Variants in TNNI2 observed in about 807,000 individuals in gnomAD.
TNNI2 encodes the protein troponin I, fast skeletal muscle.
Under a neutral mutation model 26.5 loss-of-function variants are expected in TNNI2, and 14 were observed. The ratio of observed to expected loss-of-function variants is 0.53; its 90% confidence interval spans 0.35 to 0.83. TNNI2 has a LOEUF of 0.83. Among genes scored for constraint, TNNI2 ranks in the 40% least tolerant of loss-of-function variants. The pLI, the probability that TNNI2 is intolerant of heterozygous loss-of-function variation, is 0.01. For synonymous variants in TNNI2, 126 were observed against 97.6 expected (o/e 1.29, Z -1.71); for missense variants, 205 against 248.5 (o/e 0.82, Z 1.18).
chr11:1,841,260 C>T (rs1263643130), intron 7 of TNNI2, 53 bp downstream of exon 7: 2 of 1,593,162 alleles, frequency 1.3e-6, no homozygotes, highest in Non-Finnish European at 1.7e-6. Context: ...GGAAGCACCT[C>T]CCACACCTGC....
Position 1,840,619 on chromosome 11 carries a change from C to G in TNNI2, c.149C>G (p.Pro50Arg), listed in dbSNP as rs778403065. 2 of 1,612,752 alleles carry G rather than the reference C, an allele frequency of 1.2e-6. No homozygotes were observed. Among genetic ancestry groups the G allele is most frequent in the Admixed American group, 1.7e-5 (1 of 60,014 alleles). ...EKQNYLAEHC[P>R]PLHIPGSMSE... ...CAGAACTACCTGGCGGAGCACTGCC[C>G]GCCGCTGCATATCCCGGGCTCCATG... Residue 50 changes from proline (P) to arginine (R), a missense_variant, in exon 5 of 8, where the codon CCG (proline) becomes CGG (arginine). By Grantham distance (103) the Pro-to-Arg change is moderately radical. Transcript: ENST00000381911.
In TNNI2 at chr11:1,840,128, C is replaced by T. The variant is rs538015337; in HGVS notation, c.15+273C>T. On this transcript the variant is annotated intron_variant, in intron 3 of 7. Transcript: ENST00000381911. Reference sequence around the variant, plus strand: ...CCTGCACTTCCCGCCCCCACCTCACCGGCCGACCTGCCCCCAACTGGCCCT... The same window carrying T: ...CCTGCACTTCCCGCCCCCACCTCACTGGCCGACCTGCCCCCAACTGGCCCT... 4.2e-5 allele frequency: 59 copies of T among 1,402,970 alleles called. No individual in the cohort carries two copies. The East Asian group carries it at 8.2e-4, about 19-fold the overall frequency. 86.9% of individuals were successfully genotyped at this position (1,402,970 alleles called of 1,614,324 possible).
In TNNI2 at chr11:1,839,663, C is replaced by G; in HGVS notation, c.-22-12C>G. 6.2e-7 allele frequency: 1 copy of G among 1,613,538 alleles called. No individual in the cohort carries two copies. The highest frequency in any genetic ancestry group is 8.5e-7 in the Non-Finnish European group (1 of 1,179,882). The stretch of plus-strand genomic sequence containing the variant: ...GGGCCTGGCCAACACCTCTGTCTTC[C>G]TCTCCCCACAGGCTCCAAGCTCAGG... On this transcript the variant is annotated splice_polypyrimidine_tract_variant and intron_variant, in intron 1 of 7. Transcript: ENST00000381911.
intron 3 of TNNI2, chr11:1,840,127 C>G: frequency 7.3e-7 from 1 of 1,364,298 alleles, no homozygotes; most frequent in Non-Finnish European, 1.0e-6. Context: ...CCCCACCTCA[C>G]CGGCCGACCT....
At chr11:1,839,819 G>C in intron 2 of TNNI2, 30 bp from the exon 3 acceptor site, 1 of 1,613,722 alleles carries the variant, frequency 6.2e-7, no homozygotes, top group South Asian at 1.1e-5. Flanking sequence ...TTCTCTCCCC[G>C]TCCTGCCTGC....
In TNNI2 at chr11:1,840,428, G is replaced by T; in HGVS notation, c.41G>T (p.Arg14Leu). 5.6e-6 allele frequency: 9 copies of T among 1,610,494 alleles called. No individual in the cohort carries two copies. The highest frequency in any genetic ancestry group is 7.6e-6 in the Non-Finnish European group (9 of 1,179,484). The change falls in exon 4 of 8, where the codon CGC (arginine) becomes CTC (leucine). Residue 14 changes from arginine to leucine, a missense_variant. Physicochemically the swap from Arg to Leu is moderately radical, Grantham distance 102. Coordinates refer to ENST00000381911, the MANE Select transcript of TNNI2 (RefSeq NM_003282.4). ...EEKRNRAITA[R>L]RQHLKSVMLQ... Reference sequence around the variant, plus strand: ...AAGCGGAACAGGGCCATCACGGCCCGCAGGCAGCACCTGAAGGTAGGTGTG... The same window carrying T: ...AAGCGGAACAGGGCCATCACGGCCCTCAGGCAGCACCTGAAGGTAGGTGTG...
In TNNI2 at chr11:1,840,629, T is replaced by A. The variant is rs770213642; in HGVS notation, c.159T>A (p.His53Gln). The change falls in exon 5 of 8, where the codon CAT becomes CAA. Residue 53 changes from histidine (H) to glutamine (Q), a missense_variant. Transcript: ENST00000381911. ...TGGCGGAGCACTGCCCGCCGCTGCA[T>A]ATCCCGGGCTCCATGTCTGAAGTGC... is the stretch of plus-strand genomic sequence containing the variant. ...NYLAEHCPPL[H>Q]IPGSMSEVQE... 1 of 1,612,824 alleles carries A rather than the reference T, an allele frequency of 6.2e-7. No homozygotes were observed. The highest frequency in any genetic ancestry group is 8.5e-7 in the Non-Finnish European group (1 of 1,179,912).
chr11:1,839,522 A>AAGGAGGTGAGAGTAGGGGG, intron 1 of TNNI2, 153 bp from the exon 2 acceptor site: 18 of 633,060 alleles, frequency 2.8e-5, no homozygotes, highest in South Asian at 1.6e-4. Context: ...ATTGTCCTTG[A>AAGGAGGTGAGAGTAGGGGG]AGGAGGTGAG....
chr11:1,839,773 A>T, intron 2 of TNNI2, 69 bp downstream of exon 2: 1 of 1,610,852 alleles, frequency 6.2e-7, no homozygotes, highest in Non-Finnish European at 8.5e-7. Context: ...CCCATCACAC[A>T]CTCCGACCCC....
intron 2 of TNNI2, 40 bp downstream of exon 2, chr11:1,839,744 C>A: frequency 6.2e-7 from 1 of 1,613,724 alleles, no homozygotes; most frequent in Non-Finnish European, 8.5e-7. Flanking sequence ...TGACCCTGCC[C>A]ACCTCCTGCC....
In TNNI2 at chr11:1,840,427, C is replaced by T. The variant is rs780745718; in HGVS notation, c.40C>T (p.Arg14Cys). 4.3e-5 allele frequency: 70 copies of T among 1,610,544 alleles called. No individual in the cohort carries two copies. The highest frequency in any genetic ancestry group is 1.7e-4 in the South Asian group (15 of 90,896). ...EEKRNRAITA[R>C]RQHLKSVMLQ... is the part of the protein sequence containing the mutation. The stretch of plus-strand genomic sequence containing the variant: ...GAAGCGGAACAGGGCCATCACGGCC[C>T]GCAGGCAGCACCTGAAGGTAGGTGT... The change falls in exon 4 of 8, where the codon CGC becomes TGC. Residue 14 changes from arginine to cysteine, a missense_variant. Physicochemically the swap from Arg to Cys is radical, Grantham distance 180. Coordinates refer to ENST00000381911, the MANE Select transcript of TNNI2 (RefSeq NM_003282.4).
At chr11:1,839,535 T>G in intron 1 of TNNI2, 140 bp from the exon 2 acceptor site, 1 of 617,872 alleles carries the variant, frequency 1.6e-6, no homozygotes, top group Non-Finnish European at 2.6e-6. Flanking sequence ...GAGGTGAGAG[T>G]AGGGGGAGGA....
At chr11:1,841,396 G>A (rs1051612816) in intron 7 of TNNI2, 60 bp from the exon 8 acceptor site, 6 of 1,581,190 alleles carry the variant, frequency 3.8e-6, no homozygotes, top group Non-Finnish European at 4.3e-6. Flanking sequence ...AAGGTGGTGT[G>A]GACCAGGGTG....
chr11:1,840,940 G>C, intron 6 of TNNI2, 32 bp downstream of exon 6: 2 of 1,604,004 alleles, frequency 1.2e-6, no homozygotes, highest in Non-Finnish European at 1.7e-6. Flanking sequence ...GCGGCAGGCG[G>C]GTAGGCGGTG....
rs147658888 is a variant in TNNI2, at chr11:1,841,192, G to A, written c.438G>A (p.Lys146=). The A allele has an allele frequency of 3.8e-4, 605 of 1,612,798 alleles. 4 individuals carry two copies. The African/African-American group carries it at 7.2e-3, about 19-fold the overall frequency. The change falls in exon 7 of 8, where the codon AAG becomes AAA. Residue 146 remains lysine (K), a synonymous_variant. Transcript: ENST00000381911. ...DLRANLKQVK[K]EDTEKERDLR... Reference sequence around the variant, plus strand: ...GGGCCAACCTGAAGCAGGTCAAGAAGGAGGACACAGAGAAGGTGCGTGCCA... The same window carrying A: ...GGGCCAACCTGAAGCAGGTCAAGAAAGAGGACACAGAGAAGGTGCGTGCCA...
intron 3 of TNNI2, 65 bp from the exon 4 acceptor site, chr11:1,840,338 G>A: frequency 6.4e-7 from 1 of 1,563,332 alleles, no homozygotes; most frequent in East Asian, 2.4e-5. Flanking sequence ...CAGGGAGCGT[G>A]GAAGGGGGTG....
Position 1,841,090 on chromosome 11 carries a change from G to A in TNNI2, c.336G>A (p.Leu112=). ...GGGGCAAGTTCAAGCGGCCCCCACT[G>A]CGGAGGGTGCGCATGTCGGCCGATG... ...DLRGKFKRPP[L]RRVRMSADAM... is the part of the protein sequence containing the mutation. The change falls in exon 7 of 8, where the codon CTG becomes CTA. Residue 112 remains leucine (L), a synonymous_variant. Coordinates refer to ENST00000381911, the MANE Select transcript of TNNI2 (RefSeq NM_003282.4). The A allele has an allele frequency of 6.2e-7, 1 of 1,613,186 alleles. No homozygotes were observed. Among genetic ancestry groups the A allele is most frequent in the Non-Finnish European group, 8.5e-7 (1 of 1,179,972 alleles).
rs774862354 is a variant in TNNI2 at position 1,840,438 on chromosome 11, C to T, written c.51C>T (p.His17=). The T allele has an allele frequency of 2.5e-6, 4 of 1,610,826 alleles. No individual in the cohort carries two copies. The East Asian group carries it at 8.9e-5, about 36-fold the overall frequency. The change falls in exon 4 of 8, where the codon CAC becomes CAT. Residue 17 remains histidine (H), a synonymous_variant. Transcript: ENST00000381911. ...RNRAITARRQ[H]LKSVMLQIAA... The stretch of plus-strand genomic sequence containing the variant: ...GGGCCATCACGGCCCGCAGGCAGCA[C>T]CTGAAGGTAGGTGTGGGCTCCCGGG...
chr11:1,841,433 C>T (rs771354182), intron 7 of TNNI2, 23 bp from the exon 8 acceptor site: 15 of 1,612,854 alleles, frequency 9.3e-6, no homozygotes, highest in Middle Eastern at 1.6e-4. Flanking sequence ...AGCCTGAGCT[C>T]TCTCCTGCCC....
Sources: gnomAD v4.1 joint callset for allele counts on GRCh38, gnomAD v4.1.1 for gene constraint, MANE v1.5 for transcripts, NCBI Gene and HGNC (gene_info 2026-07-23, HGNC 2026-07-21) for gene names.